The following F13A1 variants were observed in gnomAD, a reference collection of about 807,000 sequenced individuals.
F13A1 encodes FSF, A subunit.
F13A1 carries 47 observed loss-of-function variants against 80.1 expected under a neutral mutation model. The observed-to-expected ratio is 0.59, with a 90% CI of 0.46 to 0.75. F13A1 has a LOEUF of 0.75. Ranked by LOEUF, F13A1 falls within the 30% of genes least tolerant of loss-of-function variation. The pLI, the probability that F13A1 is intolerant of heterozygous loss-of-function variation, is 0.00. For synonymous variants in F13A1, 349 were observed against 344.9 expected, an observed-to-expected ratio of 1.01 and a Z score of -0.13; for missense variants, 817 against 930.4, an observed-to-expected ratio of 0.88 and a Z score of 1.59.
At chr6:6,161,360 C>G (rs546450010) in intron 13 of F13A1, among the ~76,000 whole-genome samples, 140 of 152,178 alleles carry the variant, frequency 9.2e-4, no homozygotes, top group African/African-American at 3.3e-3. Flanking sequence ...GAACATTTAC[C>G]AACAGCTACT....
intron 6 of F13A1, among the ~76,000 whole-genome samples, chr6:6,226,298 T>C (rs1757275123): frequency 6.6e-6 from 1 of 152,204 alleles, no homozygotes; most frequent in Non-Finnish European, 1.5e-5. Flanking sequence ...TCAGCAATAT[T>C]GGCATTCCCT....
chr6:6,189,622 G>C (rs562768051), intron 10 of F13A1, among the ~76,000 whole-genome samples: 4,086 of 140,608 alleles, frequency 0.029, 239 homozygotes, highest in African/African-American at 0.098. Flanking sequence ...TCCCTTTCAG[G>C]GTAACCCGAC....
At chr6:6,262,333 A>G (rs1170070661) in intron 4 of F13A1, among the ~76,000 whole-genome samples, 1 of 152,248 alleles carries the variant, frequency 6.6e-6, no homozygotes. Context: ...AACTGCAGTT[A>G]AGGTCTGGGC....
At chr6:6,194,093 C>T (rs182120418) in intron 10 of F13A1, among the ~76,000 whole-genome samples, 335 of 152,290 alleles carry the variant, frequency 2.2e-3, no homozygotes, top group Admixed American at 5.4e-3. Flanking sequence ...ATTTGTCTAG[C>T]TCATGCCCTT....
At position 6,266,599 on chromosome 6, in the gene F13A1, G is replaced by A. The variant is rs139753440; in HGVS notation, c.530C>T (p.Pro177Leu). ...GAAGAGAATGTACGTGTCTGTTTCT[G>A]GGTTTCGACTGGTTCGAAGTACGCC... Reference protein sequence around the residue: ...PYGVLRTSRNPETDTYILFNP... With the variant: ...PYGVLRTSRNLETDTYILFNP... The change falls in exon 4 of 15, where the codon CCA (proline) becomes CTA (leucine). Residue 177 changes from proline to leucine, a missense_variant. Transcript: ENST00000264870. 13 of 1,614,212 alleles carry A rather than the reference G, an allele frequency of 8.1e-6. No homozygotes were observed. In the East Asian group the frequency reaches 2.9e-4, roughly 36 times the overall value.
rs1272279362 is a variant in F13A1, at chr6:6,222,044, C to T, written c.1101G>A (p.Lys367=). The change falls in exon 8 of 15, where the codon AAG becomes AAA. Residue 367 remains lysine (K), a synonymous_variant. Coordinates refer to ENST00000264870, the MANE Select transcript of F13A1 (RefSeq NM_000129.4). ...EDGNVNSKLT[K]DSVWNYHCWN... is the part of the protein sequence containing the mutation. ...TCAATCAAACTCACCACACTGAATCCTTGGTGAGTTTGGAATTCACGTTCC... is the reference window on the plus strand; with the variant it reads ...TCAATCAAACTCACCACACTGAATCTTTGGTGAGTTTGGAATTCACGTTCC... 14 of 1,613,890 alleles carry T rather than the reference C, an allele frequency of 8.7e-6. No individual in the cohort carries two copies. The highest frequency in any genetic ancestry group is 1.7e-6 in the Non-Finnish European group (2 of 1,179,910).
At chr6:6,161,954 G>A (rs1007901175) in intron 13 of F13A1, among the ~76,000 whole-genome samples, 1 of 152,152 alleles carries the variant, frequency 6.6e-6, no homozygotes, top group African/African-American at 2.4e-5. Flanking sequence ...TGATCTAAAG[G>A]GGAATCAGGT....
chr6:6,239,061 A>G (rs975807164), intron 6 of F13A1, among the ~76,000 whole-genome samples: 2 of 152,220 alleles, frequency 1.3e-5, no homozygotes, highest in African/African-American at 4.8e-5. Flanking sequence ...GAATGTTTAT[A>G]GTAACTGTAT....
At chr6:6,218,832 C>T (rs1049351000) in intron 8 of F13A1, among the ~76,000 whole-genome samples, 1 of 152,172 alleles carries the variant, frequency 6.6e-6, no homozygotes, top group African/African-American at 2.4e-5. Context: ...CTTGTCACTC[C>T]TGGCTCTGGA....
At chr6:6,319,126 C>G (rs3024318) in intron 1 of F13A1, among the ~76,000 whole-genome samples, 1 of 152,032 alleles carries the variant, frequency 6.6e-6, no homozygotes, top group South Asian at 2.1e-4. Context: ...CATGTCCAGA[C>G]AAATGTTGTC....
At chr6:6,222,307 C>T in intron 7 of F13A1, 136 bp from the exon 8 acceptor site, 1 of 1,222,168 alleles carries the variant, frequency 8.2e-7, no homozygotes, top group South Asian at 1.3e-5. Flanking sequence ...CTCAAATGTT[C>T]CATGCTGGAA....
Position 6,162,387 on chromosome 6 carries a change from G to A in F13A1, c.1908+5071C>T, listed in dbSNP as rs754455596. On this transcript the variant is annotated intron_variant, in intron 13 of 14. Coordinates refer to ENST00000264870, the MANE Select transcript of F13A1 (RefSeq NM_000129.4). This position sits in a 1 kb window ranked among gnomAD's most constrained non-coding sequence, Gnocchi z 4.2. The stretch of plus-strand genomic sequence containing the variant: ...CTCCATCCATCTCTACTGGTTGAAC[G>A]TTATCTGTTCATTGGAGACCATTCA... 2.4e-4 allele frequency among the ~76,000 whole-genome samples: 36 copies of A among 152,256 alleles called. No homozygotes were observed. The highest frequency in any genetic ancestry group is 3.4e-3 in the Middle Eastern group (1 of 294).
chr6:6,151,379 C>T (rs1176944336), intron 14 of F13A1, among the ~76,000 whole-genome samples: 1 of 152,122 alleles, frequency 6.6e-6, no homozygotes, highest in African/African-American at 2.4e-5. Flanking sequence ...TATCTCTCAG[C>T]ATAATATCTG....
At chr6:6,256,938 G>A (rs1251270935) in intron 4 of F13A1, among the ~76,000 whole-genome samples, 1 of 152,110 alleles carries the variant, frequency 6.6e-6, no homozygotes. Context: ...TAACCTACAT[G>A]GTCTCTTTCA....
chr6:6,310,176 G>A (rs1282777408), intron 2 of F13A1, among the ~76,000 whole-genome samples: 1 of 152,190 alleles, frequency 6.6e-6, no homozygotes, highest in African/African-American at 2.4e-5. Flanking sequence ...AGAGCTCCAT[G>A]TTTAAACCAG....
At chr6:6,249,289 C>G (rs2113100014) in intron 5 of F13A1, among the ~76,000 whole-genome samples, 1 of 152,380 alleles carries the variant, frequency 6.6e-6, no homozygotes, top group East Asian at 1.9e-4. Context: ...GTATCCCAAA[C>G]TGACAGGATG....
chr6:6,270,422 T>G (rs1442766434), intron 3 of F13A1, among the ~76,000 whole-genome samples: 2 of 152,324 alleles, frequency 1.3e-5, no homozygotes, highest in East Asian at 3.9e-4. Context: ...CATAGGAAGT[T>G]TGTAGCTTTT....
intron 3 of F13A1, among the ~76,000 whole-genome samples, chr6:6,282,015 A>G (rs1247815563): frequency 7.4e-6 from 1 of 135,800 alleles, no homozygotes; most frequent in Non-Finnish European, 1.6e-5. Flanking sequence ...AAAAAAAAAA[A>G]ATGTATGGAG....
At chr6:6,194,490 T>C (rs1029429999) in intron 10 of F13A1, among the ~76,000 whole-genome samples, 2 of 152,186 alleles carry the variant, frequency 1.3e-5, no homozygotes, top group Non-Finnish European at 2.9e-5. Flanking sequence ...CTGCTCTTAC[T>C]ACCTGGGGAC....
Sources: allele counts gnomAD v4.1 joint callset (sites outside exome capture counted in the v4.1 genomes callset), GRCh38; gene constraint gnomAD v4.1.1; non-coding constraint Gnocchi (gnomAD v3.1); transcripts MANE v1.5; gene names NCBI Gene and HGNC (gene_info 2026-07-23, HGNC 2026-07-21).